The following DNAI4 variants were observed in gnomAD, a reference collection of about 807,000 sequenced individuals.
DNAI4 encodes dynein axonemal intermediate chain 4.
DNAI4 carries 85 observed loss-of-function variants against 105.8 expected under a neutral mutation model. That is an observed-to-expected ratio of 0.80 (90% CI 0.67 to 0.96). The LOEUF (loss-of-function observed/expected upper bound fraction) is 0.96, where lower values mean the gene tolerates loss of function less well. DNAI4 is among the 40% of genes least tolerant of loss of function. DNAI4 has a pLI of 0.00. For missense variants in DNAI4, 1,014 were observed against 1,005.6 expected (o/e 1.01, Z -0.11); for synonymous variants, 352 against 331.5 (o/e 1.06, Z -0.67).
At chr1:66,874,195 C>T (rs921451962) in intron 5 of DNAI4, among the ~76,000 whole-genome samples, 5 of 151,964 alleles carry the variant, frequency 3.3e-5, no homozygotes, top group Non-Finnish European at 7.4e-5. Context: ...GTCAATTCTT[C>T]ATGAAAACAT....
At chr1:66,920,385 A>G (rs1337117047) in intron 1 of DNAI4, among the ~76,000 whole-genome samples, 2 of 152,150 alleles carry the variant, frequency 1.3e-5, no homozygotes, top group Non-Finnish European at 2.9e-5. Flanking sequence ...TGGACACTGG[A>G]CAAGAACTCA....
At chr1:66,865,753 G>A (rs4655653) in intron 6 of DNAI4, among the ~76,000 whole-genome samples, 33,140 of 152,084 alleles carry the variant, frequency 0.22, 3,971 homozygotes, top group East Asian at 0.48. Context: ...GCCTCAGCCA[G>A]AAATGACCGA....
chr1:66,851,392 A>C (rs968024155), intron 7 of DNAI4, among the ~76,000 whole-genome samples: 2 of 152,022 alleles, frequency 1.3e-5, no homozygotes, highest in South Asian at 2.1e-4. Context: ...TTTTGATGGA[A>C]TAAAGAGACA....
intron 10 of DNAI4, among the ~76,000 whole-genome samples, chr1:66,837,193 G>A (rs968787754): frequency 1.9e-4 from 29 of 151,840 alleles, no homozygotes; most frequent in Non-Finnish European, 1.8e-4. Context: ...GTGAAACCCC[G>A]TCTCTATTAA....
chr1:66,823,853 G>A (rs1178942737), intron 15 of DNAI4, among the ~76,000 whole-genome samples: 5 of 151,122 alleles, frequency 3.3e-5, no homozygotes, highest in African/African-American at 9.7e-5. Flanking sequence ...CTCCCATTTT[G>A]TAGGTTGTCT....
chr1:66,848,559 C>T (rs1019169476), intron 7 of DNAI4, among the ~76,000 whole-genome samples: 1 of 152,194 alleles, frequency 6.6e-6, no homozygotes, highest in Non-Finnish European at 1.5e-5. Context: ...GAAACTCTTG[C>T]TTCTTTATCT....
chr1:66,835,646 A>T lies in DNAI4; in HGVS notation c.1713T>A (p.Asn571Lys). Residue 571 changes from asparagine to lysine, a missense_variant, in exon 11 of 17, where the codon AAT (asparagine) becomes AAA (lysine). By Grantham distance (94) the Asn-to-Lys change is moderately conservative (BLOSUM62 0). Transcript: ENST00000371026. Reference sequence around the variant, plus strand: ...CTTACCTACTATCCAGAACTGGAACATTACTGTTGCTCCGTACATTGTAAA... The same window carrying T: ...CTTACCTACTATCCAGAACTGGAACTTTACTGTTGCTCCGTACATTGTAAA... Reference protein sequence around the residue: ...IAIYNVRSNSNVPVLDSSESP... With the variant: ...IAIYNVRSNSKVPVLDSSESP... The T allele has an allele frequency of 6.2e-7, 1 of 1,614,128 alleles. No homozygotes were observed. The highest frequency in any genetic ancestry group is 8.5e-7 in the Non-Finnish European group (1 of 1,179,994).
intron 2 of DNAI4, among the ~76,000 whole-genome samples, chr1:66,899,147 T>C (rs1050037277): frequency 6.6e-6 from 1 of 152,214 alleles, no homozygotes; most frequent in African/African-American, 2.4e-5. Flanking sequence ...TGCTGGTTCA[T>C]ATGGTAACAC....
intron 1 of DNAI4, among the ~76,000 whole-genome samples, chr1:66,905,728 G>A (rs1011629508): frequency 6.6e-6 from 1 of 152,100 alleles, no homozygotes; most frequent in African/African-American, 2.4e-5. Flanking sequence ...TCTGCAAAAT[G>A]AGGATAATAA....
chr1:66,918,571 G>A (rs1381156103), intron 1 of DNAI4, among the ~76,000 whole-genome samples: 6 of 152,086 alleles, frequency 3.9e-5, no homozygotes, highest in African/African-American at 1.4e-4. Flanking sequence ...CTGATGTATG[G>A]ACTTCAGAGT....
At chr1:66,821,984 G>A (rs930770491) in intron 16 of DNAI4, among the ~76,000 whole-genome samples, 2 of 151,994 alleles carry the variant, frequency 1.3e-5, no homozygotes, top group African/African-American at 4.8e-5. Flanking sequence ...AGGAACATTG[G>A]AAAATATCTA....
chr1:66,884,387 C>A (rs983174660), intron 4 of DNAI4, among the ~76,000 whole-genome samples: 1 of 152,154 alleles, frequency 6.6e-6, no homozygotes, highest in Admixed American at 6.5e-5. Flanking sequence ...GTTTGAGGAA[C>A]CTACCTACAG....
chr1:66,898,880 A>G (rs997185127), intron 2 of DNAI4, among the ~76,000 whole-genome samples: 4 of 152,192 alleles, frequency 2.6e-5, no homozygotes, highest in African/African-American at 9.7e-5. Flanking sequence ...TATACTGTGC[A>G]GTATTTTGTG....
In DNAI4 at chr1:66,890,513, T is replaced by G. The variant is rs1292357502; in HGVS notation, c.643+641A>C. ...ACTTGGGAGGCTGAGAGAGGAGAAT[T>G]GCTTGAACCCAGGAGGCGGAGGTTG... On this transcript the variant is annotated intron_variant, in intron 4 of 16. Transcript: ENST00000371026. The surrounding 1 kb of genome is among the most constrained non-coding windows in gnomAD (Gnocchi z 4.1). The G allele has an allele frequency of 6.5e-6, 1 of 153,274 alleles. No homozygotes were observed. Among genetic ancestry groups the G allele is most frequent in the African/African-American group, 2.4e-5 (1 of 41,252 alleles). 9.5% of individuals were successfully genotyped at this position (153,274 alleles called of 1,614,324 possible). A position where few individuals can be genotyped will look rare whatever the true frequency, so the allele number is the denominator to read the frequency against.
intron 8 of DNAI4, among the ~76,000 whole-genome samples, chr1:66,841,956 G>C (rs539121513): frequency 6.6e-6 from 1 of 152,260 alleles, no homozygotes; most frequent in Admixed American, 6.5e-5. Context: ...TAGTTTCACT[G>C]ACCTAAAAAT....
At chr1:66,828,416 T>C (rs1482181646) in intron 13 of DNAI4, 1 of 152,196 alleles carries the variant, frequency 6.6e-6, no homozygotes, top group East Asian at 1.9e-4. Context: ...TATATAAAAG[T>C]GATCTGACTC....
intron 1 of DNAI4, among the ~76,000 whole-genome samples, chr1:66,909,311 C>CACACAA (rs1649486884): frequency 6.6e-6 from 1 of 151,522 alleles, no homozygotes; most frequent in Non-Finnish European, 1.5e-5. Flanking sequence ...CACACACACA[C>CACACAA]ACACACACAC....
At chr1:66,864,022 T>C (rs1299347983) in intron 6 of DNAI4, among the ~76,000 whole-genome samples, 1 of 152,204 alleles carries the variant, frequency 6.6e-6, no homozygotes, top group Non-Finnish European at 1.5e-5. Flanking sequence ...TTAATAACTG[T>C]TACATAAATA....
chr1:66,871,644 A>C, intron 5 of DNAI4, 135 bp from the exon 6 acceptor site: 1 of 868,190 alleles, frequency 1.2e-6, no homozygotes, highest in Non-Finnish European at 1.7e-6. Flanking sequence ...GACTTCAAAA[A>C]AAGCCTTAGG....
Sources: gnomAD v4.1 joint callset for allele counts (sites outside exome capture counted in the v4.1 genomes callset) on GRCh38, gnomAD v4.1.1 for gene constraint, Gnocchi (gnomAD v3.1) non-coding constraint, MANE v1.5 for transcripts, NCBI Gene and HGNC (gene_info 2026-07-23, HGNC 2026-07-21) for gene names.